The following ANKRD26 variants were observed in gnomAD, a reference collection of about 807,000 sequenced individuals.
The protein encoded by ANKRD26 is ankyrin repeat domain 26, also known as ankyrin repeat domain-containing protein 26.
ANKRD26 carries 141 observed loss-of-function variants against 208.7 expected under a neutral mutation model. That is an observed-to-expected ratio of 0.68 (90% confidence interval 0.59 to 0.78). The LOEUF (loss-of-function observed/expected upper bound fraction) is 0.78, where lower values mean the gene tolerates loss of function less well. Ranked by LOEUF, ANKRD26 falls within the 30% of genes least tolerant of loss-of-function variation. The probability of loss-of-function intolerance (pLI) is 0.00; values close to 1 mark genes in which losing one functional copy is unlikely to be tolerated. For synonymous variants in ANKRD26, 636 were observed against 660.4 expected (o/e 0.96, Z 0.57); for missense variants, 1,889 against 1,938.7 (o/e 0.97, Z 0.48).
At chr10:27,028,978 C>G in intron 26 of ANKRD26, 33 bp from the exon 27 acceptor site, 1 of 1,516,658 alleles carries the variant, frequency 6.6e-7, no homozygotes, top group Non-Finnish European at 9.0e-7. Context: ...ATTATTCTCA[C>G]AGATAAATTT....
intron 20 of ANKRD26, among the ~76,000 whole-genome samples, chr10:27,040,762 G>A (rs530966089): frequency 6.6e-6 from 1 of 152,134 alleles, no homozygotes; most frequent in Admixed American, 6.5e-5. Context: ...GGGCGTAGTG[G>A]GTCACACCTG....
Position 27,093,996 on chromosome 10 carries a change from G to C in ANKRD26, c.243-197C>G, listed in dbSNP as rs537811521. ...CCCTACGTGTGGTGAGGGGGACTCA[G>C]TGGGAGGTAACTGAATCACGAGGAT... is the stretch of plus-strand genomic sequence containing the variant. On this transcript the variant is annotated intron_variant, in intron 1 of 33. Transcript: ENST00000376087. Among the ~76,000 whole-genome samples the C allele has an allele frequency of 2.0e-5, 3 of 152,334 alleles. No individual in the cohort carries two copies. The South Asian group carries it at 6.2e-4, about 32-fold the overall frequency.
intron 5 of ANKRD26, among the ~76,000 whole-genome samples, chr10:27,083,609 T>C (rs2056007217): frequency 6.6e-6 from 1 of 152,204 alleles, no homozygotes; most frequent in African/African-American, 2.4e-5. Context: ...CTGAGCTTCC[T>C]AACTTTATGT....
chr10:27,024,565 A>G lies in ANKRD26; in HGVS notation c.3973-6T>C, dbSNP rs773703814. 1 of 1,441,172 alleles carries G rather than the reference A, an allele frequency of 6.9e-7. No homozygotes were observed. Among genetic ancestry groups the G allele is most frequent in the South Asian group, 1.2e-5 (1 of 85,004 alleles). 89.3% of individuals were successfully genotyped at this position (1,441,172 alleles called of 1,614,324 possible). A position where few individuals can be genotyped will look rare whatever the true frequency, so the allele number is the denominator to read the frequency against. On this transcript the variant is annotated splice_polypyrimidine_tract_variant and splice_region_variant and intron_variant, in intron 27 of 33. Transcript: ENST00000376087. ...TGTTCCTTTTCATCTTCAGACTTTG[A>G]AACAAAATATTTTCAATTACTTTTA... is the stretch of plus-strand genomic sequence containing the variant.
At chr10:27,011,147 A>G (rs2053090213) in intron 32 of ANKRD26, among the ~76,000 whole-genome samples, 1 of 152,222 alleles carries the variant, frequency 6.6e-6, no homozygotes, top group South Asian at 2.1e-4. Context: ...TCATGAAAAT[A>G]CCATTAAATC....
chr10:26,953,687 G>A, the ANKRD26 span, among the ~76,000 whole-genome samples: 2 of 152,068 alleles, frequency 1.3e-5, no homozygotes, highest in African/African-American at 4.8e-5. Flanking sequence ...ATTTAATTTT[G>A]CCAGTACTGA....
At chr10:27,085,321 G>A (rs1046316622) in intron 5 of ANKRD26, among the ~76,000 whole-genome samples, 4 of 151,922 alleles carry the variant, frequency 2.6e-5, no homozygotes, top group East Asian at 1.9e-4. Flanking sequence ...GGCTGGTCTC[G>A]AACTCCTGAC....
At chr10:26,980,351 G>C (rs2052288997) in intron 5 of ANKRD26, among the ~76,000 whole-genome samples, 1 of 152,164 alleles carries the variant, frequency 6.6e-6, no homozygotes, top group Non-Finnish European at 1.5e-5. Context: ...TCTGCTAAAT[G>C]GTCTGACCAC....
At chr10:26,956,237 A>G in the ANKRD26 span, among the ~76,000 whole-genome samples, 1 of 152,114 alleles carries the variant, frequency 6.6e-6, no homozygotes, top group Non-Finnish European at 1.5e-5. Context: ...AATTTGGGCT[A>G]AAAATAGGAT....
rs955185318 is a variant in ANKRD26 at position 26,976,224 on chromosome 10, T to C, written c.*282-182A>G. Among the ~76,000 whole-genome samples the C allele has an allele frequency of 0.027, 105 of 3,912 alleles. No individual in the cohort carries two copies. The African/African-American group carries it at 0.29, about 11-fold the overall frequency. The allele number at this position is 3,912 out of a possible 152,430, so 2.6% of individuals were successfully genotyped here. A position where few individuals can be genotyped will look rare whatever the true frequency, so the allele number is the denominator to read the frequency against. On this transcript the variant is annotated intron_variant and NMD_transcript_variant, in intron 5 of 5. Coordinates refer to the ANKRD26 transcript ENST00000674670. The stretch of plus-strand genomic sequence containing the variant: ...TCAGCATATCTTGTAATTTTTTTCT[T>C]TTTTTTTTGAGACAGAGTCTCATTT...
rs549645429 is a variant in ANKRD26 at position 27,084,388 on chromosome 10, C to T, written c.710-1555G>A. On this transcript the variant is annotated intron_variant, in intron 5 of 33. Transcript: ENST00000376087. ...ACAAATGAAATAGAACAGCTCTATTCTATTATGAAAACTTTGAAGACCAAA... is the reference window on the plus strand; with the variant it reads ...ACAAATGAAATAGAACAGCTCTATTTTATTATGAAAACTTTGAAGACCAAA... Among the ~76,000 whole-genome samples, 7 of 152,182 alleles carry T rather than the reference C, an allele frequency of 4.6e-5. No homozygotes were observed. The South Asian group carries it at 1.2e-3, about 27-fold the overall frequency.
chr10:27,048,357 A>G (rs992122840), intron 17 of ANKRD26, among the ~76,000 whole-genome samples: 4 of 152,202 alleles, frequency 2.6e-5, no homozygotes, highest in South Asian at 2.1e-4. Context: ...TATATTATAC[A>G]TAGGCTTACT....
chr10:27,040,633 C>T (rs1463211419), intron 20 of ANKRD26, among the ~76,000 whole-genome samples: 2 of 152,286 alleles, frequency 1.3e-5, no homozygotes, highest in South Asian at 2.1e-4. Context: ...AACTTTCCTT[C>T]TTTCCTGAAA....
the ANKRD26 span, among the ~76,000 whole-genome samples, chr10:26,965,972 T>A: frequency 6.6e-6 from 1 of 152,036 alleles, no homozygotes; most frequent in African/African-American, 2.4e-5. Context: ...TTATTAAAAG[T>A]CAGGAAACAA....
chr10:27,003,983 A>C (rs2052787076), downstream of ANKRD26: 1 of 152,222 alleles, frequency 6.6e-6, no homozygotes, highest in South Asian at 2.1e-4. Flanking sequence ...AGGTCTATAG[A>C]TTAGATATTA....
the ANKRD26 span, among the ~76,000 whole-genome samples, chr10:26,962,220 A>G: frequency 2.4e-3 from 361 of 152,202 alleles, 1 homozygote; most frequent in African/African-American, 8.2e-3. Flanking sequence ...TCTTGAGCCC[A>G]GGAGCTTGAG....
chr10:27,010,397 A>G (rs990762359), intron 32 of ANKRD26, among the ~76,000 whole-genome samples: 4 of 152,214 alleles, frequency 2.6e-5, no homozygotes, highest in Non-Finnish European at 5.9e-5. Context: ...ATATTCTTTC[A>G]TCATCTTATA....
chr10:27,000,135 A>G (rs1350897417), downstream of ANKRD26, among the ~76,000 whole-genome samples: 5 of 152,140 alleles, frequency 3.3e-5, no homozygotes, highest in Non-Finnish European at 4.4e-5. Flanking sequence ...TAAACCTCAG[A>G]TCTTACAATT....
At position 26,984,317 on chromosome 10, in the gene ANKRD26, G is replaced by C. The variant is rs1589165444; in HGVS notation, c.490-1504C>G. ...CAACAACAGCTGTTATCTGCTTCTA[G>C]TCCCAAGTCAAAGGTTGATATTGTT... On this transcript the variant is annotated intron_variant and NMD_transcript_variant, in intron 3 of 5. Coordinates refer to the ANKRD26 transcript ENST00000674670. 4.6e-5 allele frequency among the ~76,000 whole-genome samples: 7 copies of C among 152,290 alleles called. No individual in the cohort carries two copies. The South Asian group carries it at 1.5e-3, about 32-fold the overall frequency.
Sources: allele counts gnomAD v4.1 joint callset (sites outside exome capture counted in the v4.1 genomes callset), GRCh38; gene constraint gnomAD v4.1.1; transcripts MANE v1.5; gene names NCBI Gene and HGNC (gene_info 2026-07-23, HGNC 2026-07-21).